GPHN: variants seen among roughly 807,000 people sequenced by gnomAD.
GPHN encodes gephyrin.
GPHN carries 17 observed loss-of-function variants against 95.5 expected under a neutral mutation model. The ratio of observed to expected loss-of-function variants is 0.18; its 90% CI spans 0.12 to 0.27. The LOEUF (loss-of-function observed/expected upper bound fraction) is 0.27. Among genes scored for constraint, GPHN ranks in the 10% least tolerant of loss-of-function variants. The pLI, the probability that GPHN is intolerant of heterozygous loss-of-function variation, is 1.00. For missense variants in GPHN, 660 were observed against 978.1 expected, an observed-to-expected ratio of 0.67 and a Z score of 4.34; for synonymous variants, 320 against 322.5, an observed-to-expected ratio of 0.99 and a Z score of 0.08.
At chr14:66,535,131 A>G (rs895815177) in intron 1 of GPHN, among the ~76,000 whole-genome samples, 1 of 152,114 alleles carries the variant, frequency 6.6e-6, no homozygotes, top group South Asian at 2.1e-4. Flanking sequence ...TCAAAGCTCT[A>G]TGATGCATTT....
In GPHN at chr14:66,681,204, G is replaced by C; in HGVS notation, c.143+19G>C. 2 of 1,397,370 alleles carry C rather than the reference G, an allele frequency of 1.4e-6. No homozygotes were observed. Among genetic ancestry groups the C allele is most frequent in the Non-Finnish European group, 2.0e-6 (2 of 985,940 alleles). 86.6% of individuals were successfully genotyped at this position (1,397,370 alleles called of 1,614,324 possible). On this transcript the variant is annotated intron_variant, in intron 2 of 22. Transcript: ENST00000478722. The stretch of plus-strand genomic sequence containing the variant: ...CTTCTTTGTGAGTATTGTGCTTTCA[G>C]TATTAAGTATAAATTAAAACTTTAT...
intron 1 of GPHN, among the ~76,000 whole-genome samples, chr14:66,678,272 TTC>T (rs1595512206): frequency 8.0e-6 from 1 of 125,542 alleles, no homozygotes; most frequent in African/African-American, 4.6e-5. Flanking sequence ...GGTTTATTCA[TTC>T]TTTTTTAAAT....
At chr14:67,410,428 T>C in the GPHN span, among the ~76,000 whole-genome samples, 9 of 152,072 alleles carry the variant, frequency 5.9e-5, no homozygotes, top group African/African-American at 1.7e-4. Context: ...AATGTGAGAT[T>C]AGGAGCTCCC....
the GPHN span, among the ~76,000 whole-genome samples, chr14:67,209,127 A>G: frequency 6.6e-6 from 1 of 152,202 alleles, no homozygotes; most frequent in Non-Finnish European, 1.5e-5. Context: ...TCAATGGCAG[A>G]GTTTACGTGA....
chr14:66,913,424 C>G (rs1348221968), intron 5 of GPHN, among the ~76,000 whole-genome samples: 1 of 152,158 alleles, frequency 6.6e-6, no homozygotes, highest in Non-Finnish European at 1.5e-5. Context: ...TCATTGCAAC[C>G]TCCGCCTCCC....
At chr14:67,301,397 T>G in the GPHN span, 3 of 1,607,552 alleles carry the variant, frequency 1.9e-6, no homozygotes, top group South Asian at 1.1e-5. Context: ...AGGTACAAAC[T>G]GTTTTGAAGC....
chr14:66,861,519 T>G (rs887613395), intron 4 of GPHN, among the ~76,000 whole-genome samples: 1 of 152,032 alleles, frequency 6.6e-6, no homozygotes, highest in Non-Finnish European at 1.5e-5. Context: ...TTACAGAATA[T>G]TTTATCCAAT....
At chr14:67,174,585 G>A (rs1166035013) in intron 21 of GPHN, among the ~76,000 whole-genome samples, 4 of 152,154 alleles carry the variant, frequency 2.6e-5, no homozygotes, top group African/African-American at 9.6e-5. Flanking sequence ...TAATCCTTTG[G>A]GTATATACCC....
At chr14:67,686,300 G>C in the GPHN span, 1 of 152,198 alleles carries the variant, frequency 6.6e-6, no homozygotes, top group African/African-American at 2.4e-5. Context: ...TCACAGGGTA[G>C]TTATGAGGAT....
the GPHN span, chr14:67,645,812 C>T: frequency 1.2e-6 from 2 of 1,612,418 alleles, no homozygotes; most frequent in South Asian, 1.1e-5. Flanking sequence ...GGTCAGTGGG[C>T]CAAAACGAAA....
Position 66,508,436 on chromosome 14 carries a change from C to A in GPHN, c.-92C>A, listed in dbSNP as rs891259493. 9.8e-6 allele frequency: 11 copies of A among 1,120,828 alleles called. No homozygotes were observed. The Admixed American group carries it at 1.0e-4, about 10-fold the overall frequency. The allele number at this position is 1,120,828 out of a possible 1,614,324, so 69.4% of individuals were successfully genotyped here. On this transcript the variant is annotated 5_prime_UTR_variant, in exon 1 of 23. Coordinates refer to ENST00000478722, the MANE Select transcript of GPHN (RefSeq NM_020806.5). ...CGCGCTTCTCTGGCTCCCTAGCTGT[C>A]GCGCTCTCCTCGGCGAGCGCGCTCC...
At chr14:67,398,439 G>A in the GPHN span, among the ~76,000 whole-genome samples, 45 of 152,086 alleles carry the variant, frequency 3.0e-4, no homozygotes, top group Middle Eastern at 3.4e-3. Context: ...TCTGCCCATT[G>A]GCTCTACCAC....
the GPHN span, chr14:67,200,285 A>G: frequency 1.4e-6 from 1 of 731,144 alleles, no homozygotes; most frequent in Non-Finnish European, 2.3e-6. Context: ...CCCAGCCACC[A>G]GTTGCCCCTC....
intron 1 of GPHN, among the ~76,000 whole-genome samples, chr14:66,563,785 A>C (rs2060357429): frequency 6.6e-6 from 1 of 151,864 alleles, no homozygotes; most frequent in South Asian, 2.1e-4. Context: ...TGGCCAACTT[A>C]ATCTTGCTAA....
At chr14:67,336,760 A>C in the GPHN span, 1 of 456,092 alleles carries the variant, frequency 2.2e-6, no homozygotes, top group Non-Finnish European at 4.4e-6. Flanking sequence ...ACGAAATGTT[A>C]AACAGTTACC....
At chr14:66,702,262 C>G (rs1204947536) in intron 2 of GPHN, among the ~76,000 whole-genome samples, 1 of 152,208 alleles carries the variant, frequency 6.6e-6, no homozygotes, top group Non-Finnish European at 1.5e-5. Flanking sequence ...GGTTTTCCCC[C>G]AGTGAAGCAC....
chr14:67,548,697 C>CA, the GPHN span, among the ~76,000 whole-genome samples: 7 of 149,926 alleles, frequency 4.7e-5, no homozygotes, highest in South Asian at 2.1e-4. Context: ...AACTCTGTCT[C>CA]AAAAAAAAAG....
Position 67,088,983 on chromosome 14 carries a change from A to G in GPHN, c.1145A>G (p.Asp382Gly), listed in dbSNP as rs935797757. The change falls in exon 12 of 23, where the codon GAT becomes GGT. Residue 382 changes from aspartate to glycine, a missense_variant and splice_region_variant. Physicochemically the swap from Asp to Gly is moderately conservative, Grantham distance 94. This residue lies in a region of GPHN where 257 missense variants were observed against 376.2 expected (regional missense o/e 0.68). Transcript: ENST00000478722. ...TTTTCCTTCTTTTCTCTTCCTTCAG[A>G]TGGAATGGGGCGAGTCCTTGCTCAA... ...VLGTEIINYR[D>G]GMGRVLAQDV... 1.9e-6 allele frequency: 3 copies of G among 1,570,120 alleles called. No individual in the cohort carries two copies. In the East Asian group the frequency reaches 6.7e-5, roughly 35 times the overall value.
chr14:67,548,457 G>A, the GPHN span, among the ~76,000 whole-genome samples: 4 of 152,176 alleles, frequency 2.6e-5, no homozygotes, highest in African/African-American at 7.2e-5. Context: ...CAGCACTTTG[G>A]GAGGCCAAGG....
Sources: allele counts gnomAD v4.1 joint callset (sites outside exome capture counted in the v4.1 genomes callset), GRCh38; gene constraint gnomAD v4.1.1; regional missense constraint gnomAD v4.1.1; transcripts MANE v1.5; gene names NCBI Gene and HGNC (gene_info 2026-07-23, HGNC 2026-07-21).